The following AFF1 variants were observed in gnomAD, a reference collection of about 807,000 sequenced individuals.
The protein encoded by AFF1 is ALF transcription elongation factor 1.
A neutral mutation model predicts 121.7 loss-of-function variants in AFF1; 48 were observed. The ratio of observed to expected loss-of-function variants is 0.39; its 90% CI spans 0.31 to 0.50. The LOEUF (loss-of-function observed/expected upper bound fraction) is 0.50, where lower values mean the gene tolerates loss of function less well. Among genes scored for constraint, AFF1 ranks in the 20% least tolerant of loss-of-function variants. The pLI is 0.76. For missense variants in AFF1, 1,523 were observed against 1,511.7 expected, an observed-to-expected ratio of 1.01 and a Z score of -0.12; for synonymous variants, 613 against 563.0, an observed-to-expected ratio of 1.09 and a Z score of -1.26.
chr4:87,052,131 A>G (rs1321672067), intron 4 of AFF1, among the ~76,000 whole-genome samples: 2 of 152,158 alleles, frequency 1.3e-5, no homozygotes, highest in Non-Finnish European at 2.9e-5. Context: ...GCCTGAATTT[A>G]GGAAAAGGCA....
intron 4 of AFF1, chr4:87,048,181 T>G (rs1035445831): frequency 6.5e-6 from 1 of 154,102 alleles, no homozygotes; most frequent in African/African-American, 2.4e-5. Flanking sequence ...AAAGTTCTGT[T>G]CTAATATTTT....
chr4:87,002,425 G>GT (rs3035506), intron 2 of AFF1, among the ~76,000 whole-genome samples: 14,556 of 68,004 alleles, frequency 0.21, 1,634 homozygotes, highest in East Asian at 0.44. Flanking sequence ...GGGCAATGAA[G>GT]TTTTTTTTTT....
intron 1 of AFF1, among the ~76,000 whole-genome samples, chr4:86,945,141 T>G (rs536264955): frequency 4.5e-4 from 68 of 152,294 alleles, no homozygotes; most frequent in African/African-American, 1.6e-3. Flanking sequence ...AATATATGCT[T>G]CTCAGTTACT....
Position 87,135,822 on chromosome 4 carries a change from G to T in AFF1, c.*121G>T. 9.6e-6 allele frequency: 13 copies of T among 1,359,588 alleles called. No homozygotes were observed. The highest frequency in any genetic ancestry group is 3.1e-5 in the Admixed American group (1 of 32,128). 84.2% of individuals were successfully genotyped at this position (1,359,588 alleles called of 1,614,324 possible). On this transcript the variant is annotated 3_prime_UTR_variant, in exon 21 of 21. Coordinates refer to ENST00000395146, the MANE Select transcript of AFF1 (RefSeq NM_001166693.3). ...TCTAAAAAAGAAGCACCACGAGATGGCCAGGACATTTGTCCACTTAAACTC... is the reference window on the plus strand; with the variant it reads ...TCTAAAAAAGAAGCACCACGAGATGTCCAGGACATTTGTCCACTTAAACTC...
intron 4 of AFF1, 98 bp from the exon 5 acceptor site, chr4:87,084,022 C>G: frequency 8.8e-7 from 1 of 1,132,944 alleles, no homozygotes; most frequent in Non-Finnish European, 1.3e-6. Context: ...GAAGGTAAGC[C>G]TTGAGATGAG....
chr4:86,977,002 T>G (rs1236786047), intron 2 of AFF1, among the ~76,000 whole-genome samples: 1 of 152,168 alleles, frequency 6.6e-6, no homozygotes, highest in African/African-American at 2.4e-5. Context: ...TAAATGCAGG[T>G]GATGGTGCCT....
intron 12 of AFF1, among the ~76,000 whole-genome samples, chr4:87,116,918 G>A (rs909980314): frequency 3.9e-5 from 6 of 152,136 alleles, no homozygotes; most frequent in African/African-American, 1.4e-4. Flanking sequence ...GATACCTGCA[G>A]CTGATACACC....
intron 2 of AFF1, among the ~76,000 whole-genome samples, chr4:86,966,536 A>G (rs1205631881): frequency 6.6e-6 from 1 of 152,048 alleles, no homozygotes; most frequent in African/African-American, 2.4e-5. Context: ...AGCTCCCCCA[A>G]AAGCAGAAAT....
chr4:87,041,666 G>GAA (rs199904556), intron 2 of AFF1, among the ~76,000 whole-genome samples: 6 of 145,114 alleles, frequency 4.1e-5, no homozygotes, highest in Admixed American at 6.9e-5. Context: ...CACAGGACTG[G>GAA]AAAAAAAAAA....
At chr4:87,017,400 T>C (rs183490359) in intron 2 of AFF1, among the ~76,000 whole-genome samples, 4 of 152,298 alleles carry the variant, frequency 2.6e-5, no homozygotes, top group Admixed American at 1.3e-4. Flanking sequence ...TTCCCCCATA[T>C]ACAGTTCTTT....
At chr4:87,124,016 G>T (rs1457838508) in intron 12 of AFF1, among the ~76,000 whole-genome samples, 1 of 152,128 alleles carries the variant, frequency 6.6e-6, no homozygotes. Flanking sequence ...CAGTATGTGG[G>T]CTTCCTCCTG....
intron 1 of AFF1, among the ~76,000 whole-genome samples, chr4:86,945,432 C>T (rs899775377): frequency 6.7e-6 from 1 of 150,370 alleles, no homozygotes; most frequent in Non-Finnish European, 1.5e-5. Flanking sequence ...TCAAGCTACC[C>T]TCTCACCTTA....
intron 2 of AFF1, among the ~76,000 whole-genome samples, chr4:87,011,072 C>G (rs1726693893): frequency 8.6e-6 from 1 of 115,976 alleles, no homozygotes; most frequent in Non-Finnish European, 1.8e-5. Flanking sequence ...GAGTGAGACT[C>G]CGTCTCAAAA....
At chr4:87,020,916 ATGTG>A in intron 2 of AFF1, 7 of 845,180 alleles carry the variant, frequency 8.3e-6, no homozygotes, top group Non-Finnish European at 1.0e-5. Context: ...TCTTAAAAAG[ATGTG>A]TATCTTTTAA....
At chr4:86,980,024 C>T (rs941596160) in intron 2 of AFF1, among the ~76,000 whole-genome samples, 1 of 152,126 alleles carries the variant, frequency 6.6e-6, no homozygotes, top group Non-Finnish European at 1.5e-5. Flanking sequence ...GATTCTCCTG[C>T]CTCAGCCTGC....
intron 2 of AFF1, among the ~76,000 whole-genome samples, chr4:86,991,987 G>A (rs963219418): frequency 6.6e-6 from 1 of 152,078 alleles, no homozygotes; most frequent in Non-Finnish European, 1.5e-5. Context: ...TTTTGCAGAA[G>A]TCGTCTAGCT....
intron 2 of AFF1, among the ~76,000 whole-genome samples, chr4:86,989,793 T>A (rs144035549): frequency 6.6e-6 from 1 of 152,170 alleles, no homozygotes; most frequent in Non-Finnish European, 1.5e-5. Context: ...CCATCAGTGA[T>A]AGACGGGATA....
rs745653493 is a variant in AFF1, at chr4:87,127,033, C to A, written c.2819C>A (p.Ser940Tyr). Residue 940 changes from serine (S) to tyrosine (Y), a missense_variant, in exon 15 of 21, where the codon TCC (serine) becomes TAC (tyrosine). Physicochemically the swap from Ser to Tyr is moderately radical, Grantham distance 144. Transcript: ENST00000395146. ...SRSSSEHKGS[S>Y]GDTANPFPVP... ...TTGATTTTTTTTTTGAAGGGTTCTT[C>A]CGGAGATACTGCAAATCCTTTTCCA... 2.5e-6 allele frequency: 4 copies of A among 1,612,688 alleles called. No individual in the cohort carries two copies. Among genetic ancestry groups the A allele is most frequent in the Non-Finnish European group, 3.4e-6 (4 of 1,179,454 alleles).
chr4:86,996,438 C>T (rs1173667713), intron 2 of AFF1, among the ~76,000 whole-genome samples: 4 of 151,752 alleles, frequency 2.6e-5, no homozygotes, highest in Non-Finnish European at 4.4e-5. Context: ...CAACCCTGTG[C>T]TCTCTGAAAC....
Sources: gnomAD v4.1 joint callset for allele counts (sites outside exome capture counted in the v4.1 genomes callset) on GRCh38, gnomAD v4.1.1 for gene constraint, MANE v1.5 for transcripts, NCBI Gene and HGNC (gene_info 2026-07-23, HGNC 2026-07-21) for gene names.